Variants in QTGAL observed in about 807,000 individuals in gnomAD.
QTGAL encodes the protein queuosine-tRNA galactosyltransferase.
chr17:82,944,150 A>C, the QTGAL span: 1 of 152,288 alleles, frequency 6.6e-6, no homozygotes, highest in Non-Finnish European at 1.5e-5. Context: ...TAAGACATGG[A>C]GGCAGGTCGA....
chr17:83,012,522 T>C, the QTGAL span, among the ~76,000 whole-genome samples: 1 of 152,188 alleles, frequency 6.6e-6, no homozygotes, highest in Non-Finnish European at 1.5e-5. Flanking sequence ...GCACCTCACA[T>C]ACGGACGGCT....
the QTGAL span, among the ~76,000 whole-genome samples, chr17:82,970,682 ATGCGAGG>A: frequency 6.8e-5 from 10 of 146,966 alleles, no homozygotes; most frequent in South Asian, 2.1e-4. Flanking sequence ...CGTGGCCGTG[ATGCGAGG>A]CCTCTGCACA....
the QTGAL span, among the ~76,000 whole-genome samples, chr17:82,964,024 A>AG: frequency 9.6e-3 from 1,142 of 118,538 alleles, 25 homozygotes; most frequent in African/African-American, 0.042. Flanking sequence ...TGGAAGGCTG[A>AG]GGTCGGGGGG....
chr17:82,953,968 C>T, the QTGAL span, among the ~76,000 whole-genome samples: 1 of 152,106 alleles, frequency 6.6e-6, no homozygotes, highest in Non-Finnish European at 1.5e-5. Context: ...CTAAAAACTC[C>T]CAATACACTA....
the QTGAL span, among the ~76,000 whole-genome samples, chr17:82,993,668 G>A: frequency 6.6e-6 from 1 of 151,702 alleles, no homozygotes; most frequent in Non-Finnish European, 1.5e-5. Flanking sequence ...TTCCTCCATT[G>A]GCTGCGGAGT....
At chr17:82,971,596 A>G in the QTGAL span, among the ~76,000 whole-genome samples, 3 of 149,416 alleles carry the variant, frequency 2.0e-5, no homozygotes, top group African/African-American at 7.3e-5. Context: ...GGCCAGAAGG[A>G]CCCGGTACTG....
chr17:82,985,242 C>T, the QTGAL span, among the ~76,000 whole-genome samples: 1 of 152,238 alleles, frequency 6.6e-6, no homozygotes, highest in Non-Finnish European at 1.5e-5. Flanking sequence ...GCATGTCAAA[C>T]AGACACATCA....
At chr17:82,957,586 C>T in the QTGAL span, 72 of 1,459,806 alleles carry the variant, frequency 4.9e-5, no homozygotes, top group East Asian at 5.7e-4. Flanking sequence ...GCTCAGCTCA[C>T]GTTGCCAGTG....
At chr17:83,034,994 T>C in the QTGAL span, 1 of 1,449,966 alleles carries the variant, frequency 6.9e-7, no homozygotes, top group African/African-American at 1.4e-5. Context: ...TCAACCAACA[T>C]GTACACATTT....
At chr17:83,021,983 C>A in the QTGAL span, among the ~76,000 whole-genome samples, 1 of 152,064 alleles carries the variant, frequency 6.6e-6, no homozygotes, top group African/African-American at 2.4e-5. Flanking sequence ...GCTGGAAAAA[C>A]CGGACATCAT....
chr17:82,970,536 C>CGACCTCCCCACCCAGCGTGGACAT, the QTGAL span, among the ~76,000 whole-genome samples: 1 of 101,548 alleles, frequency 9.8e-6, no homozygotes, highest in South Asian at 3.0e-4. Flanking sequence ...AGCGTGGCCG[C>CGACCTCCCCACCCAGCGTGGACAT]GACCTCCGCA....
the QTGAL span, among the ~76,000 whole-genome samples, chr17:83,013,532 C>A: frequency 6.6e-6 from 1 of 150,682 alleles, no homozygotes; most frequent in Non-Finnish European, 1.5e-5. Flanking sequence ...CGACCCCCCA[C>A]AGGGTGAACT....
chr17:83,048,568 G>T, the QTGAL span: 26 of 1,613,320 alleles, frequency 1.6e-5, no homozygotes, highest in Admixed American at 8.3e-5. Context: ...CCCCAGACTT[G>T]TCCTGAAAGC....
chr17:82,981,405 T>A, the QTGAL span: 1 of 152,288 alleles, frequency 6.6e-6, no homozygotes, highest in African/African-American at 2.4e-5. Flanking sequence ...CGCACCCATG[T>A]GGGGCCAACT....
chr17:82,982,720 G>A, the QTGAL span, among the ~76,000 whole-genome samples: 4 of 152,170 alleles, frequency 2.6e-5, no homozygotes, highest in Non-Finnish European at 4.4e-5. Context: ...ACTAGGACAG[G>A]TCAGGAGAAA....
chr17:82,942,688 A>G, the QTGAL span: 27 of 612,274 alleles, frequency 4.4e-5, no homozygotes, highest in South Asian at 5.1e-4. Flanking sequence ...GCTTCCTATA[A>G]AATCATGTAC....
chr17:82,942,813 C>A, the QTGAL span: 2 of 395,798 alleles, frequency 5.1e-6, no homozygotes, highest in East Asian at 1.1e-4. Flanking sequence ...GCCTGGAGAC[C>A]AGGCCCCCTT....
chr17:82,942,348 G>A, the QTGAL span: 9 of 1,546,900 alleles, frequency 5.8e-6, no homozygotes, highest in South Asian at 3.4e-5. Context: ...TGCAGGAACC[G>A]TGTCAGTCCC....
chr17:83,026,666 A>G, the QTGAL span, among the ~76,000 whole-genome samples: 70 of 136,392 alleles, frequency 5.1e-4, no homozygotes, highest in Middle Eastern at 4.5e-3. Flanking sequence ...CGACAGACAC[A>G]CAGAGCAGGG....
Sources: allele counts gnomAD v4.1 joint callset (sites outside exome capture counted in the v4.1 genomes callset), GRCh38; gene constraint gnomAD v4.1.1; transcripts MANE v1.5; gene names NCBI Gene and HGNC (gene_info 2026-07-23, HGNC 2026-07-21).